Variants in PNPT1 observed in about 807,000 individuals in gnomAD.
PNPT1 encodes polyribonucleotide nucleotidyltransferase 1, also known as polyribonucleotide nucleotidyltransferase 1, mitochondrial.
A neutral mutation model predicts 119.5 loss-of-function variants in PNPT1; 53 were observed. That is an observed-to-expected ratio of 0.44 (90% CI 0.36 to 0.56). The LOEUF is 0.56. Among genes scored for constraint, PNPT1 ranks in the 20% least tolerant of loss-of-function variants. The pLI is 0.00. For missense variants in PNPT1, 948 were observed against 938.5 expected, an observed-to-expected ratio of 1.01 and a Z score of -0.13; for synonymous variants, 357 against 322.1, an observed-to-expected ratio of 1.11 and a Z score of -1.16.
In PNPT1 at chr2:55,635,975, CTA is replaced by C. The variant is rs3069394; in HGVS notation, c.*260_*261del. ...ATATTTCAGAATTGTAAAAACAAAA[CTA>C]TGTAATTTTTTCTAAGATGTATAAA... On this transcript the variant is annotated 3_prime_UTR_variant, in exon 28 of 28. Transcript: ENST00000447944. 63,699 of 205,306 alleles carry C rather than the reference CTA, an allele frequency of 0.31. 10,070 individuals carry two copies. The highest frequency in any genetic ancestry group is 0.4 in the South Asian group (2,363 of 5,932). 12.7% of individuals were successfully genotyped at this position (205,306 alleles called of 1,614,324 possible).
intron 17 of PNPT1, among the ~76,000 whole-genome samples, chr2:55,655,483 T>A (rs1217944342): frequency 1.3e-5 from 2 of 152,244 alleles, no homozygotes; most frequent in Non-Finnish European, 2.9e-5. Context: ...CTAGTGCATA[T>A]CTTTTGTCTT....
At position 55,667,966 on chromosome 2, in the gene PNPT1, A is replaced by G. The variant is rs1408668763; in HGVS notation, c.977-8T>C. On this transcript the variant is annotated splice_region_variant and splice_polypyrimidine_tract_variant and intron_variant, in intron 11 of 27. Transcript: ENST00000447944. ...CGGCTTCTGGAAATTTTTCTATAGA[A>G]AAAAGACAAACCAAAACAAAGATTT... 1 of 1,572,988 alleles carries G rather than the reference A, an allele frequency of 6.4e-7. No individual in the cohort carries two copies. The highest frequency in any genetic ancestry group is 8.6e-7 in the Non-Finnish European group (1 of 1,167,772).
chr2:55,645,648 T>C (rs1331298130), intron 21 of PNPT1, among the ~76,000 whole-genome samples: 1 of 152,222 alleles, frequency 6.6e-6, no homozygotes, highest in Non-Finnish European at 1.5e-5. Context: ...ATTTCACTGG[T>C]AACCCACTTT....
rs1327159743 is a variant in PNPT1 at position 55,686,373 on chromosome 2, C to G, written c.294G>C (p.Leu98Phe). The G allele has an allele frequency of 6.2e-7, 1 of 1,609,344 alleles. No individual in the cohort carries two copies. The highest frequency in any genetic ancestry group is 1.7e-5 in the Admixed American group (1 of 59,988). ...TKPSPSQFMP[L>F]VVDYRQKAAA... ...AGATAAATCAGCAAATACTTACCACCAAAGGCATAAACTGGGAAGGGGAAG... is the reference window on the plus strand; with the variant it reads ...AGATAAATCAGCAAATACTTACCACGAAAGGCATAAACTGGGAAGGGGAAG... The change falls in exon 3 of 28, where the codon TTG (leucine) becomes TTC (phenylalanine). Residue 98 changes from leucine (L) to phenylalanine (F), a missense_variant. Leu to Phe is a conservative substitution (Grantham distance 22, BLOSUM62 0). Coordinates refer to ENST00000447944, the MANE Select transcript of PNPT1 (RefSeq NM_033109.5).
chr2:55,640,727 GCCTGGT>G (rs1211066486), intron 25 of PNPT1, 22 bp from the exon 26 acceptor site: 1 of 1,440,936 alleles, frequency 6.9e-7, no homozygotes, highest in Non-Finnish European at 9.7e-7. Flanking sequence ...TAAATAGTAA[GCCTGGT>G]TAAAATAATA....
chr2:55,692,336 A>G (rs1021823098), intron 1 of PNPT1, among the ~76,000 whole-genome samples: 1 of 152,170 alleles, frequency 6.6e-6, no homozygotes, highest in African/African-American at 2.4e-5. Context: ...AAAATGGTGA[A>G]TTAACCTGTT....
At chr2:55,640,375 A>G (rs1695799163) in intron 26 of PNPT1, among the ~76,000 whole-genome samples, 1 of 152,114 alleles carries the variant, frequency 6.6e-6, no homozygotes, top group Non-Finnish European at 1.5e-5. Flanking sequence ...GATGGTCTCC[A>G]TTTCTTGACC....
At chr2:55,658,749 G>A (rs1696469594) in intron 15 of PNPT1, among the ~76,000 whole-genome samples, 1 of 152,090 alleles carries the variant, frequency 6.6e-6, no homozygotes, top group Non-Finnish European at 1.5e-5. Flanking sequence ...GCTATATCCA[G>A]AACAGGATAT....
At chr2:55,675,536 T>C (rs1415267015) in intron 8 of PNPT1, among the ~76,000 whole-genome samples, 1 of 152,224 alleles carries the variant, frequency 6.6e-6, no homozygotes, top group African/African-American at 2.4e-5. Flanking sequence ...AAATACTTTC[T>C]AAGAAAATTT....
chr2:55,640,291 C>T (rs563087662), intron 26 of PNPT1, among the ~76,000 whole-genome samples: 39 of 152,222 alleles, frequency 2.6e-4, no homozygotes, highest in Non-Finnish European at 4.4e-4. Context: ...GTAGCTAAGA[C>T]TACATGCGCA....
In PNPT1 at chr2:55,657,596, G is replaced by C. The variant is rs529131724; in HGVS notation, c.1285-1225C>G. On this transcript the variant is annotated intron_variant, in intron 15 of 27. Transcript: ENST00000447944. ...GGACAGAGTTTCACCATGTTGGTCA[G>C]GCTGGTCTTGAACTCCTGACCTCAG... Among the ~76,000 whole-genome samples the C allele has an allele frequency of 9.9e-5, 15 of 151,510 alleles. No homozygotes were observed. In the East Asian group the frequency reaches 1.8e-3, roughly 18 times the overall value.
intron 1 of PNPT1, 146 bp downstream of exon 1, chr2:55,693,517 G>C (rs1697688944): frequency 8.3e-7 from 1 of 1,208,600 alleles, no homozygotes; most frequent in Admixed American, 2.7e-5. Flanking sequence ...TCCAAACCCG[G>C]AAAGGGAAAT....
intron 4 of PNPT1, among the ~76,000 whole-genome samples, chr2:55,684,528 G>C (rs1572834671): frequency 1.3e-5 from 2 of 152,226 alleles, no homozygotes; most frequent in Admixed American, 1.3e-4. Context: ...ATGTAGGGAT[G>C]TTAAAGATTT....
chr2:55,672,810 G>A lies in PNPT1; in HGVS notation c.866+83C>T, dbSNP rs1696954426. On this transcript the variant is annotated intron_variant, in intron 9 of 27. Coordinates refer to ENST00000447944, the MANE Select transcript of PNPT1 (RefSeq NM_033109.5). ...CTATTTATGAAGTAATGCATGGGCA[G>A]TGCTTCCATGGGAAGTTTCTCTCCC... 3 of 1,296,644 alleles carry A rather than the reference G, an allele frequency of 2.3e-6. No individual in the cohort carries two copies. The Admixed American group carries it at 7.0e-5, about 30-fold the overall frequency. The allele number at this position is 1,296,644 out of a possible 1,614,324, so 80.3% of individuals were successfully genotyped here.
At position 55,655,172 on chromosome 2, in the gene PNPT1, A is replaced by C. The variant is rs557740794; in HGVS notation, c.1442-219T>G. Among the ~76,000 whole-genome samples the C allele has an allele frequency of 1.6e-3, 245 of 152,308 alleles. 1 individual carries two copies. Among genetic ancestry groups the C allele is most frequent in the African/African-American group, 5.4e-3 (223 of 41,566 alleles). On this transcript the variant is annotated intron_variant, in intron 17 of 27. Transcript: ENST00000447944. ...AGCCATAAGTGGTGACTTAAAGTTA[A>C]ATCAATTAAAATAAATTTAATTCTT...
chr2:55,674,192 T>C (rs182300118), intron 8 of PNPT1, among the ~76,000 whole-genome samples: 3 of 152,318 alleles, frequency 2.0e-5, no homozygotes, highest in Admixed American at 1.3e-4. Flanking sequence ...TAGAATTTTT[T>C]CTATTGCATT....
intron 17 of PNPT1, among the ~76,000 whole-genome samples, chr2:55,655,676 T>C (rs1056066501): frequency 2.0e-5 from 3 of 152,374 alleles, no homozygotes; most frequent in Admixed American, 2.0e-4. Context: ...AAGAACTCCA[T>C]GACCTTTCTG....
chr2:55,660,512 T>C (rs1054251469), intron 14 of PNPT1, among the ~76,000 whole-genome samples: 5 of 152,238 alleles, frequency 3.3e-5, no homozygotes, highest in Admixed American at 2.6e-4. Context: ...CTAAATGCTA[T>C]ACCCACGTTA....
chr2:55,672,620 C>A (rs944729341), intron 9 of PNPT1, among the ~76,000 whole-genome samples: 1 of 152,166 alleles, frequency 6.6e-6, no homozygotes, highest in Non-Finnish European at 1.5e-5. Flanking sequence ...ACGTTTTATT[C>A]TTTTTCCTAG....
Sources: allele counts gnomAD v4.1 joint callset (sites outside exome capture counted in the v4.1 genomes callset), GRCh38; gene constraint gnomAD v4.1.1; transcripts MANE v1.5; gene names NCBI Gene and HGNC (gene_info 2026-07-23, HGNC 2026-07-21).